The following HSD17B2 variants were observed in gnomAD, a reference collection of about 807,000 sequenced individuals.
The protein encoded by HSD17B2 is 17-beta-hydroxysteroid dehydrogenase type 2.
A neutral mutation model predicts 26.9 loss-of-function variants in HSD17B2; 32 were observed. That is an observed-to-expected ratio of 1.19 (90% CI 0.90 to 1.60). The LOEUF (loss-of-function observed/expected upper bound fraction) is 1.60, where lower values mean the gene tolerates loss of function less well. Among genes scored for constraint, HSD17B2 ranks in the 40% most tolerant of loss-of-function variants. The pLI, the probability that HSD17B2 is intolerant of heterozygous loss-of-function variation, is 0.00. For missense variants in HSD17B2, 613 were observed against 468.6 expected (o/e 1.31, Z -2.85); for synonymous variants, 246 against 186.7 (o/e 1.32, Z -2.59).
intron 1 of HSD17B2, among the ~76,000 whole-genome samples, chr16:82,056,744 GA>G (rs1161723197): frequency 3.3e-5 from 5 of 152,162 alleles, no homozygotes; most frequent in African/African-American, 1.2e-4. Flanking sequence ...TTGATTCACG[GA>G]AGTTGACTAT....
intron 1 of HSD17B2, among the ~76,000 whole-genome samples, chr16:82,050,943 C>G (rs1283979246): frequency 2.6e-5 from 4 of 152,134 alleles, no homozygotes; most frequent in African/African-American, 9.7e-5. Context: ...AATCTGCTCC[C>G]CAGTTGTGAT....
chr16:82,071,310 A>T (rs1252082577), intron 3 of HSD17B2, 183 bp downstream of exon 3: 1 of 670,396 alleles, frequency 1.5e-6, no homozygotes. Context: ...AAATTCTTTC[A>T]TGTAGAAACT....
intron 2 of HSD17B2, among the ~76,000 whole-genome samples, chr16:82,069,476 T>G (rs8191153): frequency 6.6e-6 from 1 of 152,208 alleles, no homozygotes; most frequent in Non-Finnish European, 1.5e-5. Flanking sequence ...CCCTGCAGTA[T>G]TTAAGCATGT....
chr16:82,035,822 T>G, intron 1 of HSD17B2, 133 bp downstream of exon 1: 1 of 942,894 alleles, frequency 1.1e-6, no homozygotes, highest in East Asian at 2.4e-5. Context: ...ACCCAAGTAT[T>G]TTTCATGACA....
At chr16:82,086,369 G>A (rs934057321) in intron 3 of HSD17B2, among the ~76,000 whole-genome samples, 3 of 152,130 alleles carry the variant, frequency 2.0e-5, no homozygotes, top group South Asian at 2.1e-4. Context: ...GTACACATAC[G>A]GTGGGGAGAG....
In HSD17B2 at chr16:82,098,241, G is replaced by T; in HGVS notation, c.969G>T (p.Arg323=). Residue 323 remains arginine (R), a synonymous_variant, in exon 5 of 5, where the codon CGG becomes CGT. Transcript: ENST00000199936. ...GCAAGGACTTCTCTCCGGTGCTGCG[G>T]GACATCCAGCATGCTATCTTGGCGA... ...LASKDFSPVL[R]DIQHAILAKS... The T allele has an allele frequency of 6.2e-7, 1 of 1,614,174 alleles. No homozygotes were observed. The highest frequency in any genetic ancestry group is 8.5e-7 in the Non-Finnish European group (1 of 1,180,022).
intron 1 of HSD17B2, among the ~76,000 whole-genome samples, chr16:82,043,290 C>A (rs1380889280): frequency 6.6e-6 from 1 of 152,188 alleles, no homozygotes; most frequent in Non-Finnish European, 1.5e-5. Flanking sequence ...TGCAAGGGGT[C>A]TCCCCTGGCC....
chr16:82,042,149 G>A (rs1279055974), intron 1 of HSD17B2, among the ~76,000 whole-genome samples: 1 of 151,660 alleles, frequency 6.6e-6, no homozygotes, highest in Non-Finnish European at 1.5e-5. Flanking sequence ...GATTACAGGG[G>A]CCCACAACCA....
intron 1 of HSD17B2, among the ~76,000 whole-genome samples, chr16:82,058,960 G>T (rs1453759158): frequency 2.0e-5 from 3 of 152,088 alleles, no homozygotes; most frequent in African/African-American, 7.2e-5. Flanking sequence ...TGTTCATTCT[G>T]TCATTCGGTA....
At chr16:82,068,779 G>A (rs1184912221) in intron 2 of HSD17B2, among the ~76,000 whole-genome samples, 3 of 151,974 alleles carry the variant, frequency 2.0e-5, no homozygotes, top group Non-Finnish European at 2.9e-5. Context: ...TTCCTTCATG[G>A]CTACGCTCCA....
chr16:82,090,427 T>G (rs1904656828), intron 3 of HSD17B2, among the ~76,000 whole-genome samples: 1 of 146,910 alleles, frequency 6.8e-6, no homozygotes, highest in Non-Finnish European at 1.5e-5. Context: ...CAAGCGATTC[T>G]TACGTCTCAG....
At chr16:82,079,959 C>T (rs1435360023) in intron 3 of HSD17B2, among the ~76,000 whole-genome samples, 1 of 152,172 alleles carries the variant, frequency 6.6e-6, no homozygotes, top group Non-Finnish European at 1.5e-5. Flanking sequence ...GAGAAGCAGT[C>T]AGTCACTAAT....
At chr16:82,091,094 G>T in intron 4 of HSD17B2, 55 bp downstream of exon 4, 2 of 1,555,980 alleles carry the variant, frequency 1.3e-6, no homozygotes, top group South Asian at 2.2e-5. Context: ...AACCCCGAAG[G>T]TCCTCTTGGT....
intron 1 of HSD17B2, among the ~76,000 whole-genome samples, chr16:82,051,989 C>T (rs1914122448): frequency 6.6e-6 from 1 of 152,218 alleles, no homozygotes. Flanking sequence ...ATCAAGGGCT[C>T]ACCATCACCA....
chr16:82,095,840 T>G (rs1273443695), intron 4 of HSD17B2: 2 of 152,222 alleles, frequency 1.3e-5, no homozygotes, highest in Non-Finnish European at 2.9e-5. Flanking sequence ...CCTTTTTGTT[T>G]TTGTTATTTC....
At chr16:82,090,601 A>G (rs1384592222) in intron 3 of HSD17B2, among the ~76,000 whole-genome samples, 1 of 152,074 alleles carries the variant, frequency 6.6e-6, no homozygotes, top group Non-Finnish European at 1.5e-5. Flanking sequence ...TTACAGGCAT[A>G]AGCCACTGCG....
At chr16:82,089,158 A>G (rs975119688) in intron 3 of HSD17B2, among the ~76,000 whole-genome samples, 1 of 152,136 alleles carries the variant, frequency 6.6e-6, no homozygotes, top group African/African-American at 2.4e-5. Flanking sequence ...GTAACCACTG[A>G]TCTGTTTTAC....
At chr16:82,076,392 A>G (rs1232983716) in intron 3 of HSD17B2, among the ~76,000 whole-genome samples, 1 of 152,202 alleles carries the variant, frequency 6.6e-6, no homozygotes, top group Non-Finnish European at 1.5e-5. Context: ...GGCTAGTGCA[A>G]GCAGACAAAA....
At chr16:82,066,511 TA>T (rs996158195) in intron 1 of HSD17B2, among the ~76,000 whole-genome samples, 5 of 152,228 alleles carry the variant, frequency 3.3e-5, no homozygotes, top group Admixed American at 1.3e-4. Context: ...GCATAGCCTT[TA>T]AAAAAAGAAA....
Sources: allele counts gnomAD v4.1 joint callset (sites outside exome capture counted in the v4.1 genomes callset), GRCh38; gene constraint gnomAD v4.1.1; transcripts MANE v1.5; gene names NCBI Gene and HGNC (gene_info 2026-07-23, HGNC 2026-07-21).